C1QTNF3: variants seen among roughly 807,000 people sequenced by gnomAD.
The protein encoded by C1QTNF3 is C1q and TNF related 3, also known as complement C1q tumor necrosis factor-related protein 3.
A neutral mutation model predicts 32.6 loss-of-function variants in C1QTNF3; 26 were observed. That is an observed-to-expected ratio of 0.80 (90% CI 0.58 to 1.11). C1QTNF3 has a LOEUF of 1.11. Ranked by LOEUF, C1QTNF3 falls within the 50% of genes least tolerant of loss-of-function variation. The probability of loss-of-function intolerance (pLI) is 0.00; values close to 1 mark genes in which losing one functional copy is unlikely to be tolerated. For missense variants in C1QTNF3, 362 were observed against 398.2 expected (o/e 0.91, Z 0.77); for synonymous variants, 155 against 146.0 (o/e 1.06, Z -0.44).
the C1QTNF3 span, among the ~76,000 whole-genome samples, chr5:34,229,855 T>A: frequency 6.6e-6 from 1 of 152,064 alleles, no homozygotes; most frequent in Non-Finnish European, 1.5e-5. Context: ...GAACCTAGGT[T>A]GAGATAATGT....
At chr5:34,077,018 T>TA in the C1QTNF3 span, among the ~76,000 whole-genome samples, 1 of 151,820 alleles carries the variant, frequency 6.6e-6, no homozygotes, top group African/African-American at 2.4e-5. Flanking sequence ...TGTCTTATTT[T>TA]AACAAGCTGT....
At chr5:34,041,476 A>G (rs1477919109) in intron 1 of C1QTNF3, among the ~76,000 whole-genome samples, 1 of 152,238 alleles carries the variant, frequency 6.6e-6, no homozygotes, top group Non-Finnish European at 1.5e-5. Flanking sequence ...TTGGCCAAGA[A>G]GGATACCATG....
chr5:34,167,467 A>T, the C1QTNF3 span: 3 of 152,212 alleles, frequency 2.0e-5, no homozygotes, highest in African/African-American at 7.2e-5. Context: ...GCAAAATGAT[A>T]AGCCCTGCAT....
the C1QTNF3 span, among the ~76,000 whole-genome samples, chr5:34,134,472 C>A: frequency 6.6e-6 from 1 of 152,114 alleles, no homozygotes; most frequent in Non-Finnish European, 1.5e-5. Context: ...ACCCAAGTCA[C>A]TTCTGTCACT....
the C1QTNF3 span, chr5:34,124,652 T>C: frequency 3.2e-5 from 15 of 465,456 alleles, no homozygotes; most frequent in African/African-American, 1.2e-4. Context: ...ACCTCCAACA[T>C]TGGGGATTAC....
the C1QTNF3 span, among the ~76,000 whole-genome samples, chr5:34,091,876 A>AT: frequency 6.6e-6 from 1 of 152,044 alleles, no homozygotes; most frequent in African/African-American, 2.4e-5. Context: ...GCATGATGAG[A>AT]TCATCATTCA....
At chr5:34,024,245 G>T (rs1379336976) in intron 4 of C1QTNF3, 4 of 429,008 alleles carry the variant, frequency 9.3e-6, no homozygotes, top group Non-Finnish European at 1.7e-5. Flanking sequence ...AAGGGAAGGA[G>T]CCTACCTCAT....
At chr5:34,240,213 A>C in the C1QTNF3 span, among the ~76,000 whole-genome samples, 6 of 151,622 alleles carry the variant, frequency 4.0e-5, no homozygotes, top group African/African-American at 1.5e-4. Context: ...ACTACACCTA[A>C]AGGAACTAGG....
At chr5:34,223,178 C>T in the C1QTNF3 span, among the ~76,000 whole-genome samples, 4 of 113,412 alleles carry the variant, frequency 3.5e-5, no homozygotes, top group South Asian at 1.0e-3. Context: ...CCTCCCCCCA[C>T]CCCATAACAG....
the C1QTNF3 span, among the ~76,000 whole-genome samples, chr5:34,141,526 C>T: frequency 5.9e-5 from 9 of 152,172 alleles, no homozygotes; most frequent in South Asian, 2.1e-4. Flanking sequence ...TCTTTGCCAA[C>T]GCTTGTGCTA....
chr5:34,067,413 AG>A, the C1QTNF3 span, among the ~76,000 whole-genome samples: 17 of 152,354 alleles, frequency 1.1e-4, no homozygotes, highest in Admixed American at 2.0e-4. Flanking sequence ...TCCAAAAGAA[AG>A]AAAGTTAATT....
the C1QTNF3 span, among the ~76,000 whole-genome samples, chr5:34,153,869 A>C: frequency 4.2e-4 from 63 of 150,210 alleles, no homozygotes; most frequent in East Asian, 4.1e-3. Flanking sequence ...AAAAAAAAAA[A>C]AAAAAACAAA....
the C1QTNF3 span, among the ~76,000 whole-genome samples, chr5:34,114,271 A>C: frequency 6.6e-6 from 1 of 152,212 alleles, no homozygotes; most frequent in South Asian, 2.1e-4. Context: ...GAAACAGTCA[A>C]AATCAATGTA....
chr5:34,133,927 T>C, the C1QTNF3 span, among the ~76,000 whole-genome samples: 1 of 152,238 alleles, frequency 6.6e-6, no homozygotes, highest in Admixed American at 6.5e-5. Flanking sequence ...GTAATCTTTA[T>C]AATACATATT....
At chr5:34,053,307 G>C in the C1QTNF3 span, among the ~76,000 whole-genome samples, 2 of 152,206 alleles carry the variant, frequency 1.3e-5, no homozygotes, top group Non-Finnish European at 2.9e-5. Flanking sequence ...ACCACAAAGG[G>C]AGCAGATCTG....
At chr5:34,021,350 A>T (rs1223775547) in intron 5 of C1QTNF3, among the ~76,000 whole-genome samples, 1 of 152,244 alleles carries the variant, frequency 6.6e-6, no homozygotes, top group Non-Finnish European at 1.5e-5. Context: ...TAATGCCTGT[A>T]GGGTAAGAAA....
chr5:34,162,799 A>T, the C1QTNF3 span, among the ~76,000 whole-genome samples: 3 of 152,292 alleles, frequency 2.0e-5, no homozygotes, highest in Admixed American at 2.0e-4. Context: ...CAAATTATAA[A>T]TACTTATGGG....
chr5:34,236,561 TTCTTTTTTC>T, the C1QTNF3 span, among the ~76,000 whole-genome samples: 1 of 112,538 alleles, frequency 8.9e-6, no homozygotes, highest in Non-Finnish European at 1.9e-5. Flanking sequence ...ATTTTCTTTT[TTCTTTTTTC>T]TTTTTTTTTT....
chr5:34,207,275 G>GAGAT, the C1QTNF3 span, among the ~76,000 whole-genome samples: 2 of 143,028 alleles, frequency 1.4e-5, no homozygotes, highest in South Asian at 2.2e-4. Context: ...TCAAATTTGA[G>GAGAT]ATATATATAT....
Sources: allele counts gnomAD v4.1 joint callset (sites outside exome capture counted in the v4.1 genomes callset), GRCh38; gene constraint gnomAD v4.1.1; transcripts MANE v1.5; gene names NCBI Gene and HGNC (gene_info 2026-07-23, HGNC 2026-07-21).